The following COL21A1 variants were observed in gnomAD, a reference collection of about 807,000 sequenced individuals.
The protein encoded by COL21A1 is collagen type XXI alpha 1 chain, also known as collagen alpha-1(XXI) chain.
Under a neutral mutation model 137.9 loss-of-function variants are expected in COL21A1, and 149 were observed. The ratio of observed to expected loss-of-function variants is 1.08; its 90% confidence interval spans 0.95 to 1.24. The LOEUF (loss-of-function observed/expected upper bound fraction) is 1.24. Ranked by LOEUF, COL21A1 falls within the 50% of genes most tolerant of loss-of-function variation. The pLI is 0.00. For synonymous variants in COL21A1, 456 were observed against 391.5 expected, an observed-to-expected ratio of 1.16 and a Z score of -1.95; for missense variants, 1,167 against 1,158.4, an observed-to-expected ratio of 1.01 and a Z score of -0.11.
chr6:56,371,105 G>C (rs1420949048), intron 1 of COL21A1, among the ~76,000 whole-genome samples: 4 of 152,156 alleles, frequency 2.6e-5, no homozygotes, highest in African/African-American at 4.8e-5. Context: ...AAACCCTCCA[G>C]GTTCAAAGGG....
intron 1 of COL21A1, among the ~76,000 whole-genome samples, chr6:56,207,486 G>A (rs1219865443): frequency 6.6e-6 from 1 of 152,140 alleles, no homozygotes; most frequent in East Asian, 1.9e-4. Context: ...TCTAAACCAG[G>A]AAGAAGTCGA....
chr6:56,365,236 G>A (rs529687706), intron 1 of COL21A1, among the ~76,000 whole-genome samples: 17 of 152,136 alleles, frequency 1.1e-4, no homozygotes, highest in Admixed American at 9.8e-4. Context: ...ATGACTCACA[G>A]GAATAAATCA....
At chr6:56,093,931 T>C (rs1769089577) in intron 17 of COL21A1, among the ~76,000 whole-genome samples, 1 of 152,162 alleles carries the variant, frequency 6.6e-6, no homozygotes, top group African/African-American at 2.4e-5. Flanking sequence ...GATTCATGAG[T>C]CCTGTACCTA....
intron 1 of COL21A1, among the ~76,000 whole-genome samples, chr6:56,318,909 C>CT (rs1764804217): frequency 7.8e-6 from 1 of 128,150 alleles, no homozygotes; most frequent in Non-Finnish European, 1.8e-5. Flanking sequence ...TCCTTCCTAC[C>CT]CCACCTCCCC....
intron 1 of COL21A1, among the ~76,000 whole-genome samples, chr6:56,319,503 A>AACTTTTGC (rs143712418): frequency 0.018 from 2,723 of 152,156 alleles, 75 homozygotes; most frequent in African/African-American, 0.061. Flanking sequence ...AGGCCTGGTT[A>AACTTTTGC]ACTTTTGCAT....
Position 56,192,539 on chromosome 6 carries a change from C to T in COL21A1, c.-38-9883G>A, listed in dbSNP as rs563637081. On this transcript the variant is annotated intron_variant, in intron 1 of 29. Coordinates refer to ENST00000244728, the MANE Select transcript of COL21A1 (RefSeq NM_030820.4). ...AAAGTCGACAAAGGATAAGAGCAGA[C>T]ATTTCTCAAAAGAAGACATTTATGC... is the stretch of plus-strand genomic sequence containing the variant. Among the ~76,000 whole-genome samples the T allele has an allele frequency of 2.6e-5, 4 of 151,294 alleles. No individual in the cohort carries two copies. The South Asian group carries it at 6.2e-4, about 24-fold the overall frequency.
intron 12 of COL21A1, among the ~76,000 whole-genome samples, chr6:56,139,373 T>C (rs1024863212): frequency 6.6e-6 from 1 of 152,074 alleles, no homozygotes; most frequent in Non-Finnish European, 1.5e-5. Context: ...TTTAAAGAGA[T>C]TAACAAGTGT....
At chr6:56,246,145 C>A (rs1185700385) in intron 1 of COL21A1, among the ~76,000 whole-genome samples, 3 of 151,992 alleles carry the variant, frequency 2.0e-5, no homozygotes, top group African/African-American at 7.2e-5. Context: ...CAGAGGCCTG[C>A]AACACTGAAT....
intron 16 of COL21A1, among the ~76,000 whole-genome samples, chr6:56,110,451 A>T (rs1771323190): frequency 6.6e-6 from 1 of 151,946 alleles, no homozygotes; most frequent in African/African-American, 2.4e-5. Context: ...ATGTGCTTTT[A>T]TCCCTTCTAT....
At chr6:56,307,222 C>T (rs887868249) in intron 1 of COL21A1, among the ~76,000 whole-genome samples, 2 of 152,212 alleles carry the variant, frequency 1.3e-5, no homozygotes, top group Non-Finnish European at 2.9e-5. Context: ...CAGCTACATG[C>T]TGGGAGAACC....
intron 1 of COL21A1, among the ~76,000 whole-genome samples, chr6:56,222,873 C>T (rs957478580): frequency 6.6e-6 from 1 of 152,074 alleles, no homozygotes; most frequent in African/African-American, 2.4e-5. Context: ...TACTTGGTGG[C>T]TTTGACAATG....
At chr6:56,091,827 TG>T (rs1296813137) in intron 17 of COL21A1, among the ~76,000 whole-genome samples, 14 of 152,196 alleles carry the variant, frequency 9.2e-5, no homozygotes, top group African/African-American at 3.4e-4. Context: ...CATGATAACT[TG>T]GTCTAACATT....
At chr6:56,348,380 T>C (rs1343289574) in intron 1 of COL21A1, among the ~76,000 whole-genome samples, 2 of 152,146 alleles carry the variant, frequency 1.3e-5, no homozygotes, top group African/African-American at 4.8e-5. Flanking sequence ...CTTTTTCATT[T>C]CACTTTCTCC....
At chr6:56,147,877 G>C (rs758234532) in intron 10 of COL21A1, among the ~76,000 whole-genome samples, 1 of 152,122 alleles carries the variant, frequency 6.6e-6, no homozygotes, top group African/African-American at 2.4e-5. Flanking sequence ...GCAAGCCTGA[G>C]AGCTAGTTTT....
intron 1 of COL21A1, among the ~76,000 whole-genome samples, chr6:56,265,066 T>A (rs943064839): frequency 6.6e-6 from 1 of 152,208 alleles, no homozygotes; most frequent in Non-Finnish European, 1.5e-5. Flanking sequence ...CATGGAGATC[T>A]TTTGGATTTT....
At chr6:56,146,136 AAAT>A (rs977783856) in intron 10 of COL21A1, among the ~76,000 whole-genome samples, 3 of 152,184 alleles carry the variant, frequency 2.0e-5, no homozygotes, top group African/African-American at 7.2e-5. Flanking sequence ...AGTTTCCTTG[AAAT>A]ACTCTAAACT....
chr6:56,164,710 G>T, intron 8 of COL21A1, 104 bp downstream of exon 8: 1 of 938,986 alleles, frequency 1.1e-6, no homozygotes, highest in Non-Finnish European at 1.6e-6. Flanking sequence ...ACATAAAAAT[G>T]GGTTCCATTT....
chr6:56,359,523 C>A (rs1001108719), intron 1 of COL21A1, among the ~76,000 whole-genome samples: 3 of 152,126 alleles, frequency 2.0e-5, no homozygotes, highest in African/African-American at 7.2e-5. Flanking sequence ...TGTTTATGTC[C>A]TGTAATTCGT....
At chr6:56,174,674 A>T (rs1235189883) in intron 3 of COL21A1, among the ~76,000 whole-genome samples, 1 of 151,936 alleles carries the variant, frequency 6.6e-6, no homozygotes, top group East Asian at 1.9e-4. Context: ...TAATCAAAAC[A>T]CCCCAACAAT....
Sources: gnomAD v4.1 joint callset for allele counts (sites outside exome capture counted in the v4.1 genomes callset) on GRCh38, gnomAD v4.1.1 for gene constraint, MANE v1.5 for transcripts, NCBI Gene and HGNC (gene_info 2026-07-23, HGNC 2026-07-21) for gene names.